Variants in TACC2 observed in about 807,000 individuals in gnomAD.
The protein encoded by TACC2 is transforming acidic coiled-coil-containing protein 2.
In TACC2, 137 loss-of-function variants were observed where a neutral mutation model predicts 227.3. The ratio of observed to expected loss-of-function variants is 0.60; its 90% confidence interval spans 0.52 to 0.69. The LOEUF (loss-of-function observed/expected upper bound fraction) is 0.69. TACC2 is among the 30% of genes least tolerant of loss of function. TACC2 has a pLI of 0.00. For synonymous variants in TACC2, 1,523 were observed against 1,487.5 expected (o/e 1.02, Z -0.55); for missense variants, 3,470 against 3,694.4 (o/e 0.94, Z 1.57).
chr10:122,074,027 A>G lies in TACC2; in HGVS notation c.147-8620A>G, dbSNP rs951444919. ...GATCTCCTGACCTTGTGATCTGCCC[A>G]CCTCGGCCTCCCAAAGTGCTGGGAT... On this transcript the variant is annotated intron_variant, in intron 3 of 22. Coordinates refer to ENST00000369005, the MANE Select transcript of TACC2 (RefSeq NM_206862.4). Among the ~76,000 whole-genome samples the G allele has an allele frequency of 3.4e-4, 50 of 148,552 alleles. No homozygotes were observed. In the Middle Eastern group the frequency reaches 0.011, roughly 32 times the overall value.
intron 7 of TACC2, among the ~76,000 whole-genome samples, chr10:122,160,700 G>A (rs1203002468): frequency 6.6e-6 from 1 of 152,236 alleles, no homozygotes; most frequent in South Asian, 2.1e-4. Context: ...GGAGGGAGGC[G>A]CAAGCATTCA....
At chr10:122,099,930 T>C (rs918869341) in intron 5 of TACC2, among the ~76,000 whole-genome samples, 1 of 152,198 alleles carries the variant, frequency 6.6e-6, no homozygotes, top group Non-Finnish European at 1.5e-5. Flanking sequence ...AAAAATGGAA[T>C]GTAGAAAATT....
chr10:122,233,335 C>T (rs2095794972), intron 16 of TACC2, among the ~76,000 whole-genome samples: 1 of 152,220 alleles, frequency 6.6e-6, no homozygotes, highest in South Asian at 2.1e-4. Flanking sequence ...CTCCAAGAGG[C>T]ACAGGCTGTG....
At position 122,086,618 on chromosome 10, in the gene TACC2, G is replaced by C. The variant is rs149524584; in HGVS notation, c.4118G>C (p.Ser1373Thr). 5.6e-5 allele frequency: 90 copies of C among 1,599,454 alleles called. 1 individual carries two copies. Among genetic ancestry groups the C allele is most frequent in the Non-Finnish European group, 6.4e-5 (75 of 1,172,762 alleles). The part of the protein sequence containing the change: ...AGDAAGETEG[S>T]MERMGEPSQD... The stretch of plus-strand genomic sequence containing the variant: ...GATGCAGCAGGAGAGACAGAGGGCA[G>C]CATGGAGAGGATGGGAGAGCCTTCC... The change falls in exon 4 of 23, where the codon AGC (serine) becomes ACC (threonine). Residue 1373 changes from serine (S) to threonine (T), a missense_variant. Around this residue, in one of 10 missense-constraint regions of TACC2, gnomAD observed 1,924 missense variants for 1,978.3 expected, o/e 0.97. Transcript: ENST00000369005.
intron 11 of TACC2, among the ~76,000 whole-genome samples, chr10:122,219,245 TC>T (rs1451739757): frequency 1.4e-5 from 2 of 140,380 alleles, no homozygotes; most frequent in African/African-American, 5.3e-5. Context: ...CCCCACCTCA[TC>T]CCTGTTTCAC....
rs779648529 is a variant in TACC2, at chr10:122,237,534, C to T, written c.8267C>T (p.Ala2756Val). ...GACTCTGCCCTCCAGATCGCCAGAG[C>T]AGAGGTATCGTGGCATGTGGTGTAA... ...DLDSALQIAR[A>V]EIITKEREVS... is the part of the protein sequence containing the mutation. The change falls in exon 17 of 23, where the codon GCA becomes GTA. Residue 2756 changes from alanine (A) to valine (V), a missense_variant. By Grantham distance (64) the Ala-to-Val change is moderately conservative (BLOSUM62 0). This residue lies in a region of TACC2 where 345 missense variants were observed against 354.4 expected (regional missense o/e 0.97). Coordinates refer to ENST00000369005, the MANE Select transcript of TACC2 (RefSeq NM_206862.4). 1.9e-6 allele frequency: 3 copies of T among 1,611,944 alleles called. No individual in the cohort carries two copies. The highest frequency in any genetic ancestry group is 2.5e-6 in the Non-Finnish European group (3 of 1,178,958).
chr10:122,122,358 A>AAAATAAAT (rs777718486), intron 5 of TACC2, among the ~76,000 whole-genome samples: 1 of 152,176 alleles, frequency 6.6e-6, no homozygotes, highest in Admixed American at 6.5e-5. Context: ...TCCGTCTCAA[A>AAAATAAAT]AAATAAATAA....
At chr10:122,062,102 C>T (rs1438113744) in intron 3 of TACC2, among the ~76,000 whole-genome samples, 5 of 148,940 alleles carry the variant, frequency 3.4e-5, no homozygotes, top group Admixed American at 6.8e-5. Flanking sequence ...GCACCATCTC[C>T]GCTCACTGCA....
chr10:122,049,578 T>C (rs1440428870), intron 2 of TACC2, among the ~76,000 whole-genome samples: 1 of 152,184 alleles, frequency 6.6e-6, no homozygotes, highest in Non-Finnish European at 1.5e-5. Flanking sequence ...GGGGTGCATG[T>C]TGTTTGGGGT....
At chr10:122,060,400 T>G (rs150991450) in intron 3 of TACC2, among the ~76,000 whole-genome samples, 1,670 of 152,354 alleles carry the variant, frequency 0.011, 10 homozygotes, top group Non-Finnish European at 0.016. Context: ...CACTCACTCC[T>G]GGCTGCCTGC....
chr10:122,241,838 T>A, intron 18 of TACC2, 120 bp from the exon 19 acceptor site: 1 of 892,366 alleles, frequency 1.1e-6, no homozygotes, highest in Non-Finnish European at 1.9e-6. Context: ...GGGCTGACAT[T>A]GAAGGTGACC....
intron 16 of TACC2, among the ~76,000 whole-genome samples, chr10:122,231,698 G>C (rs939687927): frequency 1.3e-5 from 2 of 152,208 alleles, no homozygotes; most frequent in African/African-American, 4.8e-5. Context: ...GCCCCTCGCT[G>C]GGTGTGGTGG....
chr10:122,246,190 C>T (rs929274735), intron 19 of TACC2, among the ~76,000 whole-genome samples: 8 of 152,194 alleles, frequency 5.3e-5, no homozygotes, highest in African/African-American at 9.6e-5. Context: ...CCTAATCTCA[C>T]GCCGTGGGGT....
chr10:122,018,903 T>C (rs1957006451), intron 1 of TACC2, among the ~76,000 whole-genome samples: 2 of 152,214 alleles, frequency 1.3e-5, no homozygotes, highest in Admixed American at 6.5e-5. Flanking sequence ...CTGAGCTTGG[T>C]AAGATGCCTG....
chr10:121,999,276 G>T (rs892786885), intron 1 of TACC2, among the ~76,000 whole-genome samples: 34 of 152,170 alleles, frequency 2.2e-4, no homozygotes, highest in African/African-American at 7.5e-4. Flanking sequence ...GTGGGACAAA[G>T]ATTTTCATTT....
At chr10:122,079,968 A>G (rs1473431638) in intron 3 of TACC2, among the ~76,000 whole-genome samples, 1 of 152,218 alleles carries the variant, frequency 6.6e-6, no homozygotes, top group African/African-American at 2.4e-5. Context: ...TGGGACAGTA[A>G]ATACCCACCT....
intron 1 of TACC2, among the ~76,000 whole-genome samples, chr10:122,017,665 A>C (rs1277529481): frequency 6.6e-6 from 1 of 151,622 alleles, no homozygotes; most frequent in East Asian, 1.9e-4. Flanking sequence ...TAAAATACAA[A>C]AGTTAGTCTG....
At chr10:122,238,109 G>C in intron 18 of TACC2, 72 bp downstream of exon 18, 1 of 1,241,084 alleles carries the variant, frequency 8.1e-7, no homozygotes, top group Non-Finnish European at 1.2e-6. Context: ...ACCGGAGCTG[G>C]TGTGGTCCAC....
At chr10:122,243,340 C>T (rs2096046420) in intron 19 of TACC2, among the ~76,000 whole-genome samples, 2 of 152,172 alleles carry the variant, frequency 1.3e-5, no homozygotes, top group Non-Finnish European at 2.9e-5. Flanking sequence ...ACTGTGCTGG[C>T]ACCTGGTCCC....
Sources: allele counts gnomAD v4.1 joint callset (sites outside exome capture counted in the v4.1 genomes callset), GRCh38; gene constraint gnomAD v4.1.1; regional missense constraint gnomAD v4.1.1; transcripts MANE v1.5; gene names NCBI Gene and HGNC (gene_info 2026-07-23, HGNC 2026-07-21).